The following CSMD1 variants were observed in gnomAD, a reference collection of about 807,000 sequenced individuals.
CSMD1 encodes CUB and sushi domain-containing protein 1.
Under a neutral mutation model 417.5 loss-of-function variants are expected in CSMD1, and 213 were observed. The observed-to-expected ratio is 0.51, with a 90% CI of 0.46 to 0.57. The LOEUF is 0.57. CSMD1 is among the 20% of genes least tolerant of loss of function. The pLI is 0.00. For synonymous variants in CSMD1, 2,862 were observed against 1,736.8 expected, an observed-to-expected ratio of 1.65 and a Z score of -16.11; for missense variants, 6,923 against 4,529.7, an observed-to-expected ratio of 1.53 and a Z score of -15.17.
intron 26 of CSMD1, among the ~76,000 whole-genome samples, chr8:3,280,903 A>T (rs1032664345): frequency 1.3e-5 from 2 of 152,190 alleles, no homozygotes; most frequent in African/African-American, 4.8e-5. Context: ...AGAATCATGA[A>T]TATATAGAAA....
chr8:4,556,504 G>C (rs909175282), intron 2 of CSMD1, among the ~76,000 whole-genome samples: 1 of 151,936 alleles, frequency 6.6e-6, no homozygotes, highest in Admixed American at 6.6e-5. Context: ...GCAGCACCCC[G>C]AATAATCGAA....
rs1319878795 is a variant in CSMD1 at position 4,031,769 on chromosome 8, G to A, written c.610+136C>T. ...TAATAACATGTAATATTGCTTTCAG[G>A]AGCAGAATGAGCTGACATTGTAAGA... On this transcript the variant is annotated intron_variant, in intron 4 of 69. Coordinates refer to ENST00000635120, the MANE Select transcript of CSMD1 (RefSeq NM_033225.6). 4.7e-5 allele frequency: 27 copies of A among 577,018 alleles called. No homozygotes were observed. In the Admixed American group the frequency reaches 6.0e-4, roughly 13 times the overall value. 35.7% of individuals were successfully genotyped at this position (577,018 alleles called of 1,614,324 possible). A position where few individuals can be genotyped will look rare whatever the true frequency, so the allele number is the denominator to read the frequency against.
chr8:4,033,860 G>C (rs1184221365), intron 3 of CSMD1, among the ~76,000 whole-genome samples: 2 of 152,052 alleles, frequency 1.3e-5, no homozygotes, highest in Admixed American at 1.3e-4. Flanking sequence ...AACTGAAACG[G>C]TACATCATTC....
intron 3 of CSMD1, among the ~76,000 whole-genome samples, chr8:4,233,123 T>C (rs535455629): frequency 6.6e-6 from 1 of 152,312 alleles, no homozygotes; most frequent in East Asian, 1.9e-4. Context: ...CTATCACTTA[T>C]CCACAACGTT....
intron 8 of CSMD1, among the ~76,000 whole-genome samples, chr8:3,588,407 G>A (rs905732052): frequency 1.3e-5 from 2 of 152,078 alleles, no homozygotes; most frequent in South Asian, 4.2e-4. Flanking sequence ...ATTTCAGTGT[G>A]GCCACTTCTT....
intron 1 of CSMD1, among the ~76,000 whole-genome samples, chr8:4,744,791 T>A (rs768518795): frequency 6.6e-6 from 1 of 152,166 alleles, no homozygotes; most frequent in Non-Finnish European, 1.5e-5. Flanking sequence ...AATTTCTTCA[T>A]TAACTTCCAA....
chr8:3,591,366 G>C (rs189188004), intron 8 of CSMD1, among the ~76,000 whole-genome samples: 244 of 152,258 alleles, frequency 1.6e-3, no homozygotes, highest in Middle Eastern at 3.4e-3. Context: ...TCAGTATAAA[G>C]ACTCTTTCTA....
intron 3 of CSMD1, among the ~76,000 whole-genome samples, chr8:4,309,272 A>G (rs1798427435): frequency 6.6e-6 from 1 of 152,112 alleles, no homozygotes; most frequent in East Asian, 1.9e-4. Flanking sequence ...CTAATTATTC[A>G]GCTTCTTCAG....
At chr8:4,612,854 C>G (rs1801255722) in intron 2 of CSMD1, among the ~76,000 whole-genome samples, 1 of 152,162 alleles carries the variant, frequency 6.6e-6, no homozygotes, top group Non-Finnish European at 1.5e-5. Flanking sequence ...GAGCACAAAC[C>G]TGAGTGAATC....
At chr8:4,896,413 T>C (rs1280901982) in intron 1 of CSMD1, among the ~76,000 whole-genome samples, 1 of 152,158 alleles carries the variant, frequency 6.6e-6, no homozygotes, top group Non-Finnish European at 1.5e-5. Flanking sequence ...GATTATTTAC[T>C]GATGTTTTCT....
At chr8:4,208,336 A>G (rs1800103982) in intron 3 of CSMD1, among the ~76,000 whole-genome samples, 1 of 152,324 alleles carries the variant, frequency 6.6e-6, no homozygotes, top group South Asian at 2.1e-4. Flanking sequence ...ATCAGGTCTT[A>G]TTTGAATCCT....
intron 3 of CSMD1, among the ~76,000 whole-genome samples, chr8:4,401,540 T>A (rs1204294345): frequency 6.6e-6 from 1 of 152,008 alleles, no homozygotes; most frequent in Non-Finnish European, 1.5e-5. Context: ...CAGCAGTAGC[T>A]CCCCTGTCTG....
chr8:4,359,376 T>C (rs1400429692), intron 3 of CSMD1, among the ~76,000 whole-genome samples: 1 of 152,214 alleles, frequency 6.6e-6, no homozygotes, highest in Non-Finnish European at 1.5e-5. Context: ...AAATTATCAA[T>C]AGGGTTTAAA....
In CSMD1 at chr8:4,367,249, A is replaced by T. The variant is rs187891835; in HGVS notation, c.415+52704T>A. ...TGGTGTAAGGAAGGGGTCCAGTCTC[A>T]TAAGTCCAGCCGGGCCAGACTGCAT... On this transcript the variant is annotated intron_variant, in intron 3 of 69. Coordinates refer to ENST00000635120, the MANE Select transcript of CSMD1 (RefSeq NM_033225.6). 9.2e-5 allele frequency among the ~76,000 whole-genome samples: 14 copies of T among 152,290 alleles called. No homozygotes were observed. In the East Asian group the frequency reaches 1.2e-3, roughly 13 times the overall value.
In CSMD1 at chr8:4,734,628, G is replaced by A. The variant is rs998870972; in HGVS notation, c.86-97070C>T. Among the ~76,000 whole-genome samples the A allele has an allele frequency of 3.9e-5, 6 of 152,044 alleles. No homozygotes were observed. In the South Asian group the frequency reaches 8.3e-4, roughly 21 times the overall value. ...TATACTGTATAACATTATATTTTTA[G>A]GTACTGGAAATACTTTTTTTATTTT... On this transcript the variant is annotated intron_variant, in intron 1 of 69. Coordinates refer to ENST00000635120, the MANE Select transcript of CSMD1 (RefSeq NM_033225.6).
At chr8:4,154,112 T>C (rs920211643) in intron 3 of CSMD1, among the ~76,000 whole-genome samples, 1 of 152,230 alleles carries the variant, frequency 6.6e-6, no homozygotes, top group African/African-American at 2.4e-5. Context: ...GTCAGGAGTC[T>C]GGCTTCACAA....
At chr8:3,914,240 T>C (rs530032868) in intron 5 of CSMD1, among the ~76,000 whole-genome samples, 6 of 151,856 alleles carry the variant, frequency 4.0e-5, no homozygotes, top group African/African-American at 1.4e-4. Context: ...TAGAATAGAG[T>C]AGATAAGAGC....
At chr8:4,037,851 G>A (rs1255992212) in intron 3 of CSMD1, among the ~76,000 whole-genome samples, 2 of 151,928 alleles carry the variant, frequency 1.3e-5, no homozygotes, top group Non-Finnish European at 2.9e-5. Context: ...TTATAAAGTA[G>A]ATCATATATT....
intron 6 of CSMD1, among the ~76,000 whole-genome samples, chr8:3,746,978 A>G (rs1326726656): frequency 4.6e-5 from 7 of 152,250 alleles, no homozygotes; most frequent in Admixed American, 4.6e-4. Context: ...TGACTAAATT[A>G]CAGCTATCCG....
Sources: gnomAD v4.1 joint callset for allele counts (sites outside exome capture counted in the v4.1 genomes callset) on GRCh38, gnomAD v4.1.1 for gene constraint, MANE v1.5 for transcripts, NCBI Gene and HGNC (gene_info 2026-07-23, HGNC 2026-07-21) for gene names.